The following DLG2 variants were observed in gnomAD, a reference collection of about 807,000 sequenced individuals.
DLG2 encodes discs large MAGUK scaffold protein 2.
Under a neutral mutation model 132.5 loss-of-function variants are expected in DLG2, and 45 were observed. That is an observed-to-expected ratio of 0.34 (90% CI 0.27 to 0.44). The LOEUF is 0.44. Among genes scored for constraint, DLG2 ranks in the 20% least tolerant of loss-of-function variants. The probability of loss-of-function intolerance (pLI) is 1.00; values close to 1 mark genes in which losing one functional copy is unlikely to be tolerated. For missense variants in DLG2, 1,045 were observed against 1,196.9 expected, an observed-to-expected ratio of 0.87 and a Z score of 1.87; for synonymous variants, 424 against 419.6, an observed-to-expected ratio of 1.01 and a Z score of -0.13.
chr11:84,611,220 T>C (rs2099595050), intron 6 of DLG2, among the ~76,000 whole-genome samples: 1 of 152,134 alleles, frequency 6.6e-6, no homozygotes, highest in African/African-American at 2.4e-5. Context: ...CCAATCAAAG[T>C]TTTGGCATAT....
chr11:83,544,092 TTCGCACCTG>T (rs2096168800), intron 19 of DLG2, among the ~76,000 whole-genome samples: 1 of 152,174 alleles, frequency 6.6e-6, no homozygotes, highest in African/African-American at 2.4e-5. Context: ...TAGATAACAT[TTCGCACCTG>T]TTGTCGCAAT....
chr11:84,812,002 T>C lies in DLG2; in HGVS notation c.358-277271A>G, dbSNP rs2076610056. Among the ~76,000 whole-genome samples, 3 of 152,104 alleles carry C rather than the reference T, an allele frequency of 2.0e-5. No individual in the cohort carries two copies. In the South Asian group the frequency reaches 6.2e-4, roughly 31 times the overall value. ...CTCCCAGAGAACATGGCCCCAGAAC[T>C]GAGCTTATTTATAATTCCACAGTTA... On this transcript the variant is annotated intron_variant, in intron 6 of 27. Transcript: ENST00000376104.
intron 7 of DLG2, among the ~76,000 whole-genome samples, chr11:84,346,220 G>A (rs1339283057): frequency 1.3e-5 from 2 of 152,180 alleles, no homozygotes; most frequent in African/African-American, 2.4e-5. Context: ...AAATGGATCT[G>A]ACCATTCCTT....
chr11:84,449,372 A>G (rs1311260066), intron 7 of DLG2, among the ~76,000 whole-genome samples: 1 of 151,866 alleles, frequency 6.6e-6, no homozygotes, highest in Non-Finnish European at 1.5e-5. Context: ...GCCAATATCA[A>G]TTACAGATAG....
chr11:84,042,144 T>G (rs2096103521), intron 11 of DLG2, among the ~76,000 whole-genome samples: 1 of 151,962 alleles, frequency 6.6e-6, no homozygotes, highest in African/African-American at 2.4e-5. Flanking sequence ...GACACAACTG[T>G]TTTTTAAAGA....
At chr11:84,855,854 A>C (rs1261862632) in intron 6 of DLG2, among the ~76,000 whole-genome samples, 2 of 152,096 alleles carry the variant, frequency 1.3e-5, no homozygotes, top group Admixed American at 6.6e-5. Context: ...ATAGTTATTC[A>C]GAACTTCCTT....
intron 6 of DLG2, among the ~76,000 whole-genome samples, chr11:84,727,608 G>A (rs768691588): frequency 2.0e-5 from 3 of 152,038 alleles, no homozygotes; most frequent in Admixed American, 6.6e-5. Context: ...GAACTTTAAA[G>A]TAGTTTTTTT....
intron 27 of DLG2, chr11:83,461,746 G>T: frequency 2.3e-6 from 1 of 434,778 alleles, no homozygotes; most frequent in Non-Finnish European, 4.2e-6. Flanking sequence ...ATAGCTCAGG[G>T]GTATCTCCTG....
intron 8 of DLG2, chr11:84,167,005 A>G: frequency 1.9e-6 from 1 of 533,284 alleles, no homozygotes; most frequent in Non-Finnish European, 3.8e-6. Flanking sequence ...AGAGCTTCAC[A>G]GTTGGGGTTT....
chr11:84,672,408 G>C (rs746270169), intron 6 of DLG2, among the ~76,000 whole-genome samples: 1 of 152,028 alleles, frequency 6.6e-6, no homozygotes, highest in Non-Finnish European at 1.5e-5. Flanking sequence ...AGAGCGATCT[G>C]GTAGATAAAT....
chr11:83,771,145 T>C (rs560174881), intron 18 of DLG2, among the ~76,000 whole-genome samples: 2 of 152,326 alleles, frequency 1.3e-5, no homozygotes, highest in African/African-American at 4.8e-5. Flanking sequence ...CACACTACTT[T>C]CATTATTTCT....
intron 14 of DLG2, among the ~76,000 whole-genome samples, chr11:83,936,445 G>A (rs1417761511): frequency 1.3e-5 from 2 of 152,188 alleles, no homozygotes; most frequent in African/African-American, 2.4e-5. Context: ...ATGGTTCACA[G>A]CTGTGGTATC....
intron 11 of DLG2, among the ~76,000 whole-genome samples, chr11:84,000,906 A>G (rs1294400339): frequency 6.6e-6 from 1 of 152,140 alleles, no homozygotes; most frequent in Non-Finnish European, 1.5e-5. Context: ...TTATGAAAAC[A>G]CACAAATGTA....
chr11:84,546,635 T>G, intron 6 of DLG2: 1 of 528,382 alleles, frequency 1.9e-6, no homozygotes, highest in South Asian at 1.5e-5. Flanking sequence ...CATTTAGGGC[T>G]GCATCCACCT....
chr11:84,773,109 TC>T (rs1239937398), intron 6 of DLG2, among the ~76,000 whole-genome samples: 2 of 151,956 alleles, frequency 1.3e-5, no homozygotes, highest in Non-Finnish European at 2.9e-5. Flanking sequence ...TTACAACATA[TC>T]CCACAGAAAT....
chr11:84,576,083 G>T (rs1358962307), intron 6 of DLG2, among the ~76,000 whole-genome samples: 1 of 152,062 alleles, frequency 6.6e-6, no homozygotes, highest in Non-Finnish European at 1.5e-5. Context: ...TTTCAAAAAG[G>T]TCTACTCTAG....
chr11:84,875,366 C>T (rs1211694907), intron 6 of DLG2, among the ~76,000 whole-genome samples: 1 of 152,006 alleles, frequency 6.6e-6, no homozygotes, highest in African/African-American at 2.4e-5. Flanking sequence ...GAAATTATCC[C>T]ACCTTGGGAG....
chr11:84,384,967 G>A (rs2098763456), intron 7 of DLG2, among the ~76,000 whole-genome samples: 1 of 152,074 alleles, frequency 6.6e-6, no homozygotes, highest in Admixed American at 6.6e-5. Flanking sequence ...GGGTTGGATG[G>A]AGAAACTGAG....
chr11:84,817,154 G>A (rs1377601963), intron 6 of DLG2, among the ~76,000 whole-genome samples: 1 of 152,018 alleles, frequency 6.6e-6, no homozygotes, highest in South Asian at 2.1e-4. Context: ...TTTAAAAGAG[G>A]ACAAGCACTC....
Sources: gnomAD v4.1 joint callset for allele counts (sites outside exome capture counted in the v4.1 genomes callset) on GRCh38, gnomAD v4.1.1 for gene constraint, MANE v1.5 for transcripts, NCBI Gene and HGNC (gene_info 2026-07-23, HGNC 2026-07-21) for gene names.